SEMA3A: variants seen among roughly 807,000 people sequenced by gnomAD.
The protein encoded by SEMA3A is semaphorin 3A.
A neutral mutation model predicts 97.9 loss-of-function variants in SEMA3A; 29 were observed. That is an observed-to-expected ratio of 0.30 (90% CI 0.22 to 0.40). The LOEUF (loss-of-function observed/expected upper bound fraction) is 0.40. Ranked by LOEUF, SEMA3A falls within the 10% of genes least tolerant of loss-of-function variation. The pLI, the probability that SEMA3A is intolerant of heterozygous loss-of-function variation, is 1.00. For synonymous variants in SEMA3A, 321 were observed against 323.7 expected, an observed-to-expected ratio of 0.99 and a Z score of 0.09; for missense variants, 763 against 951.3, an observed-to-expected ratio of 0.80 and a Z score of 2.60.
chr7:84,069,413 G>T (rs369159680), intron 4 of SEMA3A, among the ~76,000 whole-genome samples: 52 of 152,146 alleles, frequency 3.4e-4, no homozygotes, highest in African/African-American at 1.2e-3. Context: ...CTTAACCATT[G>T]TTTATAGTTG....
intron 1 of SEMA3A, among the ~76,000 whole-genome samples, chr7:84,418,995 TATTG>T (rs1429068625): frequency 1.3e-5 from 2 of 152,042 alleles, no homozygotes; most frequent in Admixed American, 6.6e-5. Flanking sequence ...ATACATATCT[TATTG>T]ATTCTTTCCT....
At position 84,445,501 on chromosome 7, in the gene SEMA3A, AAAAAAAAAAAAAAAAAAAAG is replaced by A. The variant is rs1296927579; in HGVS notation, c.-246+46939_-246+46958del. ...AGAGTGAGACTCCATCTCAAAAAAA[AAAAAAAAAAAAAAAAAAAAG>A]AAAAGAAAAGAAAAGAAGAGAAAAG... On this transcript the variant is annotated intron_variant, in intron 1 of 3. Transcript: ENST00000424555. Among the ~76,000 whole-genome samples the A allele has an allele frequency of 2.9e-5, 4 of 137,126 alleles. No individual in the cohort carries two copies. The East Asian group carries it at 9.2e-4, about 31-fold the overall frequency. The allele number at this position is 137,126 out of a possible 152,430, so 90.0% of individuals were successfully genotyped here.
At chr7:84,445,232 C>G (rs1342268545) in intron 1 of SEMA3A, among the ~76,000 whole-genome samples, 1 of 151,750 alleles carries the variant, frequency 6.6e-6, no homozygotes, top group African/African-American at 2.4e-5. Flanking sequence ...TGGCTCACTC[C>G]TGTAATACCA....
At chr7:84,154,884 C>T (rs74556504) in intron 1 of SEMA3A, among the ~76,000 whole-genome samples, 1 of 151,506 alleles carries the variant, frequency 6.6e-6, no homozygotes, top group African/African-American at 2.4e-5. Context: ...TTTTAAGAGA[C>T]AATATTTTTA....
At chr7:84,349,391 A>C (rs543069266) in intron 2 of SEMA3A, among the ~76,000 whole-genome samples, 1 of 152,176 alleles carries the variant, frequency 6.6e-6, no homozygotes, top group Non-Finnish European at 1.5e-5. Flanking sequence ...AATTGCTGAA[A>C]TGGGTATTGT....
chr7:84,063,236 C>A (rs1183805247), intron 4 of SEMA3A, among the ~76,000 whole-genome samples: 3 of 151,048 alleles, frequency 2.0e-5, no homozygotes, highest in African/African-American at 7.3e-5. Context: ...AACTAACAAA[C>A]AGAAAGGACA....
At chr7:84,183,383 C>T (rs1797786497) in intron 1 of SEMA3A, among the ~76,000 whole-genome samples, 1 of 152,032 alleles carries the variant, frequency 6.6e-6, no homozygotes, top group South Asian at 2.1e-4. Context: ...TACTTGGATA[C>T]TATAAGCAGA....
rs201215479 is a variant in SEMA3A, at chr7:84,180,322, A to G, written c.112+14153T>C. ...CATTGCTGCATGAAATGAACTCCAAATGGCAATTGGCATTTATCTAGCAGA... is the reference window on the plus strand; with the variant it reads ...CATTGCTGCATGAAATGAACTCCAAGTGGCAATTGGCATTTATCTAGCAGA... On this transcript the variant is annotated intron_variant, in intron 1 of 16. Coordinates refer to ENST00000265362, the MANE Select transcript of SEMA3A (RefSeq NM_006080.3). 3.9e-5 allele frequency among the ~76,000 whole-genome samples: 6 copies of G among 152,008 alleles called. No homozygotes were observed. In the East Asian group the frequency reaches 9.7e-4, roughly 25 times the overall value.
At chr7:84,252,586 T>C (rs1472438862) in intron 3 of SEMA3A, among the ~76,000 whole-genome samples, 2 of 152,166 alleles carry the variant, frequency 1.3e-5, no homozygotes, top group African/African-American at 2.4e-5. Flanking sequence ...TTATCATTTA[T>C]TGAAAACCAA....
chr7:84,049,448 T>C (rs922599443), intron 5 of SEMA3A, among the ~76,000 whole-genome samples: 2 of 152,148 alleles, frequency 1.3e-5, no homozygotes, highest in African/African-American at 4.8e-5. Flanking sequence ...AGCAGTAGTA[T>C]ATTCTACCTT....
At chr7:84,483,115 T>C (rs1366890376) in intron 1 of SEMA3A, among the ~76,000 whole-genome samples, 1 of 152,200 alleles carries the variant, frequency 6.6e-6, no homozygotes, top group African/African-American at 2.4e-5. Flanking sequence ...GGATTGCATT[T>C]GTAGACATAA....
chr7:84,301,793 G>A (rs929012329), intron 3 of SEMA3A, among the ~76,000 whole-genome samples: 1 of 152,118 alleles, frequency 6.6e-6, no homozygotes, highest in Non-Finnish European at 1.5e-5. Flanking sequence ...AGTTTGCAGA[G>A]CCCTGATGCG....
At chr7:84,241,365 G>A (rs1799359864) in intron 3 of SEMA3A, among the ~76,000 whole-genome samples, 1 of 152,124 alleles carries the variant, frequency 6.6e-6, no homozygotes, top group Non-Finnish European at 1.5e-5. Context: ...GTGATGATGA[G>A]CTTTTTTTCA....
intron 1 of SEMA3A, among the ~76,000 whole-genome samples, chr7:84,391,170 T>C (rs534567224): frequency 2.6e-5 from 4 of 152,178 alleles, no homozygotes; most frequent in Non-Finnish European, 5.9e-5. Context: ...GCACCTTTCA[T>C]AGGACAAACC....
intron 1 of SEMA3A, among the ~76,000 whole-genome samples, chr7:84,161,233 G>A (rs184557571): frequency 2.7e-4 from 40 of 150,764 alleles, no homozygotes; most frequent in African/African-American, 4.1e-4. Flanking sequence ...GTGTTGTGGC[G>A]GGCTCCTGTA....
chr7:83,980,659 CAT>C (rs1562952196), intron 14 of SEMA3A, among the ~76,000 whole-genome samples: 6 of 123,742 alleles, frequency 4.8e-5, no homozygotes, highest in African/African-American at 1.2e-4. Context: ...CACACATATA[CAT>C]ATATACACAT....
chr7:84,338,442 T>C (rs1248167430), intron 2 of SEMA3A, among the ~76,000 whole-genome samples: 2 of 152,106 alleles, frequency 1.3e-5, no homozygotes, highest in Non-Finnish European at 2.9e-5. Context: ...GGCATTAGGA[T>C]AGACAATAAG....
At chr7:84,247,944 T>C (rs1054828505) in intron 3 of SEMA3A, among the ~76,000 whole-genome samples, 2 of 152,222 alleles carry the variant, frequency 1.3e-5, no homozygotes, top group Non-Finnish European at 2.9e-5. Context: ...TACATCTGCA[T>C]GAATTGACTA....
chr7:84,180,994 A>G (rs933006185), intron 1 of SEMA3A, among the ~76,000 whole-genome samples: 2 of 152,100 alleles, frequency 1.3e-5, no homozygotes, highest in African/African-American at 4.8e-5. Flanking sequence ...TCTAGTTTTT[A>G]TTAAAAAATT....
Sources: gnomAD v4.1 joint callset for allele counts (sites outside exome capture counted in the v4.1 genomes callset) on GRCh38, gnomAD v4.1.1 for gene constraint, MANE v1.5 for transcripts, NCBI Gene and HGNC (gene_info 2026-07-23, HGNC 2026-07-21) for gene names.